MOB1B: variants seen among roughly 807,000 people sequenced by gnomAD.
MOB1B encodes MOB kinase activator 1B, also known as MOB1 Mps One Binder homolog B.
Under a neutral mutation model 24.4 loss-of-function variants are expected in MOB1B, and 19 were observed. The ratio of observed to expected loss-of-function variants is 0.78; its 90% confidence interval spans 0.54 to 1.14. The LOEUF is 1.14. Among genes scored for constraint, MOB1B ranks in the 50% most tolerant of loss-of-function variants. MOB1B has a pLI of 0.00. For synonymous variants in MOB1B, 76 were observed against 82.1 expected, an observed-to-expected ratio of 0.93 and a Z score of 0.40; for missense variants, 243 against 259.6, an observed-to-expected ratio of 0.94 and a Z score of 0.44.
chr4:70,925,978 G>C (rs1461663525), intron 1 of MOB1B, among the ~76,000 whole-genome samples: 1 of 152,092 alleles, frequency 6.6e-6, no homozygotes, highest in African/African-American at 2.4e-5. Context: ...TAGCAAATAT[G>C]TTTTCAATAA....
At chr4:70,917,387 A>G (rs1333344819) in intron 1 of MOB1B, among the ~76,000 whole-genome samples, 1 of 152,238 alleles carries the variant, frequency 6.6e-6, no homozygotes, top group Non-Finnish European at 1.5e-5. Flanking sequence ...TCATGATAGT[A>G]GAAGTTTTAA....
intron 1 of MOB1B, among the ~76,000 whole-genome samples, chr4:70,940,991 G>A (rs1737310905): frequency 6.6e-6 from 1 of 152,034 alleles, no homozygotes. Context: ...AATATTAATT[G>A]GTCTTTTAAT....
intron 2 of MOB1B, among the ~76,000 whole-genome samples, chr4:70,969,562 T>C (rs1037328111): frequency 5.3e-5 from 8 of 152,224 alleles, no homozygotes; most frequent in Non-Finnish European, 1.2e-4. Flanking sequence ...CATCTCTTCA[T>C]AGGACATTTG....
intron 3 of MOB1B, among the ~76,000 whole-genome samples, chr4:70,973,411 G>A (rs1437460442): frequency 1.3e-5 from 2 of 149,870 alleles, no homozygotes; most frequent in Non-Finnish European, 3.0e-5. Flanking sequence ...TCAAGGGTGC[G>A]GTGAGCTATG....
intron 1 of MOB1B, among the ~76,000 whole-genome samples, chr4:70,934,710 C>T (rs1737016304): frequency 6.6e-6 from 1 of 152,138 alleles, no homozygotes; most frequent in Non-Finnish European, 1.5e-5. Flanking sequence ...CCTGTCTCAG[C>T]ATGCCAAAGT....
intron 1 of MOB1B, among the ~76,000 whole-genome samples, chr4:70,933,653 G>A (rs1249006059): frequency 1.4e-5 from 2 of 145,418 alleles, no homozygotes; most frequent in African/African-American, 5.0e-5. Context: ...CCGGGTTCAA[G>A]CGATTCTCCT....
intron 1 of MOB1B, among the ~76,000 whole-genome samples, chr4:70,919,811 C>G (rs1255945294): frequency 6.6e-6 from 1 of 152,076 alleles, no homozygotes; most frequent in African/African-American, 2.4e-5. Flanking sequence ...AAAACTGTTT[C>G]TAGTAGTCTT....
intron 2 of MOB1B, among the ~76,000 whole-genome samples, chr4:70,965,377 AAATATTTT>A (rs924904198): frequency 1.8e-4 from 27 of 150,276 alleles, no homozygotes; most frequent in Non-Finnish European, 2.8e-4. Flanking sequence ...ATCAAGAAAA[AAATATTTT>A]AATATTTTAA....
At chr4:70,903,273 T>C (rs1735593848) in intron 1 of MOB1B, among the ~76,000 whole-genome samples, 1 of 152,210 alleles carries the variant, frequency 6.6e-6, no homozygotes. Context: ...CTGCCTAGGT[T>C]GATTAGGTCC....
intron 1 of MOB1B, among the ~76,000 whole-genome samples, chr4:70,940,452 G>A (rs767034642): frequency 6.6e-5 from 10 of 152,054 alleles, no homozygotes; most frequent in Non-Finnish European, 1.3e-4. Context: ...CACCAAATTT[G>A]AACTGCAAGG....
chr4:70,972,355 C>T (rs1738792603), intron 3 of MOB1B, among the ~76,000 whole-genome samples: 1 of 152,030 alleles, frequency 6.6e-6, no homozygotes, highest in Non-Finnish European at 1.5e-5. Context: ...GCTGGGATTA[C>T]AGGTGCATGC....
At chr4:70,957,137 A>G (rs1401316162) in intron 1 of MOB1B, among the ~76,000 whole-genome samples, 1 of 144,044 alleles carries the variant, frequency 6.9e-6, no homozygotes, top group African/African-American at 2.6e-5. Context: ...TTCCGTATTC[A>G]TATGTTCAAA....
intron 1 of MOB1B, among the ~76,000 whole-genome samples, chr4:70,903,222 T>A (rs1284613192): frequency 6.6e-6 from 1 of 152,216 alleles, no homozygotes; most frequent in Non-Finnish European, 1.5e-5. Context: ...ATGAGTTTTA[T>A]CTTTTTAGAC....
At chr4:70,935,961 C>T (rs1236069001) in intron 1 of MOB1B, among the ~76,000 whole-genome samples, 2 of 149,946 alleles carry the variant, frequency 1.3e-5, no homozygotes, top group African/African-American at 2.5e-5. Context: ...ACGCCATTCT[C>T]CTGCCTCAGC....
intron 1 of MOB1B, among the ~76,000 whole-genome samples, chr4:70,938,293 A>G (rs1578369387): frequency 8.3e-6 from 1 of 120,114 alleles, no homozygotes; most frequent in African/African-American, 3.2e-5. Flanking sequence ...GTCCTTATAC[A>G]TGGTGTGGTC....
chr4:70,965,963 T>TA (rs1017897002), intron 2 of MOB1B, among the ~76,000 whole-genome samples: 5 of 151,728 alleles, frequency 3.3e-5, no homozygotes, highest in Admixed American at 1.3e-4. Context: ...TCTTATAACT[T>TA]AAAAAAAACT....
chr4:70,945,520 A>G (rs546233620), intron 1 of MOB1B, among the ~76,000 whole-genome samples: 3 of 152,210 alleles, frequency 2.0e-5, no homozygotes, highest in Non-Finnish European at 4.4e-5. Context: ...ACTTGAACCT[A>G]TCATGATTAG....
intron 2 of MOB1B, among the ~76,000 whole-genome samples, chr4:70,959,303 G>A (rs1738199659): frequency 6.6e-6 from 1 of 152,126 alleles, no homozygotes; most frequent in South Asian, 2.1e-4. Context: ...TGAACTCCTG[G>A]GCTCAAGCAG....
intron 2 of MOB1B, among the ~76,000 whole-genome samples, chr4:70,968,407 G>T (rs1738621528): frequency 6.6e-6 from 1 of 152,054 alleles, no homozygotes; most frequent in South Asian, 2.1e-4. Context: ...CGCCTCCCAG[G>T]TTCAAGCAAT....
Sources: allele counts gnomAD v4.1 joint callset (sites outside exome capture counted in the v4.1 genomes callset), GRCh38; gene constraint gnomAD v4.1.1; transcripts MANE v1.5; gene names NCBI Gene and HGNC (gene_info 2026-07-23, HGNC 2026-07-21).